The following FHIP1A variants were observed in gnomAD, a reference collection of about 807,000 sequenced individuals.
FHIP1A encodes FHF complex subunit HOOK interacting protein 1A.
Under a neutral mutation model 88.6 loss-of-function variants are expected in FHIP1A, and 61 were observed. The observed-to-expected ratio is 0.69, with a 90% CI of 0.56 to 0.85. FHIP1A has a LOEUF of 0.85. FHIP1A is among the 40% of genes least tolerant of loss of function. The probability of loss-of-function intolerance (pLI) is 0.00; values close to 1 mark genes in which losing one functional copy is unlikely to be tolerated. For synonymous variants in FHIP1A, 478 were observed against 496.0 expected (o/e 0.96, Z 0.48); for missense variants, 1,154 against 1,273.5 (o/e 0.91, Z 1.43).
At chr4:151,642,399 G>A (rs1736620181) in intron 9 of FHIP1A, among the ~76,000 whole-genome samples, 2 of 152,102 alleles carry the variant, frequency 1.3e-5, no homozygotes, top group Non-Finnish European at 2.9e-5. Flanking sequence ...GAAGCTGTGT[G>A]TATACTTCAG....
At chr4:151,632,154 T>C (rs576539661) in intron 8 of FHIP1A, among the ~76,000 whole-genome samples, 1 of 152,120 alleles carries the variant, frequency 6.6e-6, no homozygotes, top group South Asian at 2.1e-4. Flanking sequence ...GTTGTACTTA[T>C]ATTTAAAAAT....
At chr4:151,584,171 T>TCTCCCCAACCCCTCCTAGGCCC (rs1211338379) in intron 5 of FHIP1A, among the ~76,000 whole-genome samples, 1 of 152,156 alleles carries the variant, frequency 6.6e-6, no homozygotes, top group Non-Finnish European at 1.5e-5. Flanking sequence ...TCCTATACCA[T>TCTCCCCAACCCCTCCTAGGCCC]CTCCCCAACC....
At position 151,481,871 on chromosome 4, in the gene FHIP1A, C is replaced by T. The variant is rs181572079; in HGVS notation, c.-247-653C>T. 2.0e-3 allele frequency among the ~76,000 whole-genome samples: 307 copies of T among 152,138 alleles called. 1 individual carries two copies. The highest frequency in any genetic ancestry group is 0.014 in the Middle Eastern group (4 of 294). ...CTACGTTTTGTTCTCTGTGTTTCTC[C>T]CAGGTAGGATAATTTCCTTGCCAGC... is the stretch of plus-strand genomic sequence containing the variant. On this transcript the variant is annotated intron_variant, in intron 2 of 13. Transcript: ENST00000435205.
At chr4:151,558,317 C>G (rs1733033824) in intron 3 of FHIP1A, among the ~76,000 whole-genome samples, 2 of 152,098 alleles carry the variant, frequency 1.3e-5, no homozygotes, top group South Asian at 4.1e-4. Context: ...GGGCAGATCA[C>G]TAGAGCTTAG....
chr4:151,443,379 G>A (rs1728477458), intron 1 of FHIP1A, among the ~76,000 whole-genome samples: 1 of 152,064 alleles, frequency 6.6e-6, no homozygotes, highest in Non-Finnish European at 1.5e-5. Flanking sequence ...TCGCAATGGT[G>A]TGATCATAGA....
chr4:151,471,078 A>G (rs1254266529), intron 2 of FHIP1A, among the ~76,000 whole-genome samples: 2 of 152,102 alleles, frequency 1.3e-5, no homozygotes, highest in African/African-American at 2.4e-5. Context: ...CTGGGGATCA[A>G]TGAATGCATA....
At chr4:151,588,192 G>A (rs1053974451) in intron 6 of FHIP1A, among the ~76,000 whole-genome samples, 1 of 151,988 alleles carries the variant, frequency 6.6e-6, no homozygotes, top group African/African-American at 2.4e-5. Flanking sequence ...AAAGATATTA[G>A]TAGAGGGTTA....
chr4:151,429,842 C>G (rs1733527523), intron 1 of FHIP1A, among the ~76,000 whole-genome samples: 2 of 100,832 alleles, frequency 2.0e-5, no homozygotes, highest in South Asian at 3.6e-4. Context: ...GAGTGAGACT[C>G]TATCTCAAAA....
chr4:151,537,884 T>A (rs1732130033), intron 3 of FHIP1A, among the ~76,000 whole-genome samples: 1 of 152,206 alleles, frequency 6.6e-6, no homozygotes, highest in Non-Finnish European at 1.5e-5. Flanking sequence ...AATGTTGCAA[T>A]CCTGCTTCAG....
At chr4:151,432,430 G>A (rs1418890341) in intron 1 of FHIP1A, among the ~76,000 whole-genome samples, 2 of 152,166 alleles carry the variant, frequency 1.3e-5, no homozygotes, top group African/African-American at 2.4e-5. Context: ...TGAGAATATA[G>A]TTGTGAACAA....
intron 7 of FHIP1A, among the ~76,000 whole-genome samples, chr4:151,609,671 G>A (rs1434248774): frequency 6.6e-6 from 1 of 152,142 alleles, no homozygotes; most frequent in Non-Finnish European, 1.5e-5. Context: ...TTGTAGACAA[G>A]GAGGCTCCCT....
At chr4:151,629,942 A>G (rs1736094224) in intron 8 of FHIP1A, 73 bp downstream of exon 8, 1 of 1,215,490 alleles carries the variant, frequency 8.2e-7, no homozygotes, top group African/African-American at 1.6e-5. Context: ...TTGGGAATGA[A>G]ATTATGAATA....
intron 3 of FHIP1A, among the ~76,000 whole-genome samples, chr4:151,544,932 G>A (rs1732432959): frequency 1.3e-5 from 2 of 152,110 alleles, no homozygotes; most frequent in African/African-American, 2.4e-5. Context: ...ACAAAAATTA[G>A]CCAGGTGTGG....
At chr4:151,448,697 C>G (rs1411534658) in intron 1 of FHIP1A, among the ~76,000 whole-genome samples, 1 of 152,266 alleles carries the variant, frequency 6.6e-6, no homozygotes, top group African/African-American at 2.4e-5. Flanking sequence ...TTTTGTTTAT[C>G]ATCTATCGAT....
Position 151,664,810 on chromosome 4 carries a change from T to G in FHIP1A, c.*2056T>G, listed in dbSNP as rs533153396. Among the ~76,000 whole-genome samples the G allele has an allele frequency of 2.6e-5, 4 of 152,312 alleles. No individual in the cohort carries two copies. The highest frequency in any genetic ancestry group is 4.4e-5 in the Non-Finnish European group (3 of 68,022). ...TAAATGGAATTCTTTAGCTTTGTAG[T>G]TTGATTTACACCTTTCTCCATTATC... is the stretch of plus-strand genomic sequence containing the variant. On this transcript the variant is annotated 3_prime_UTR_variant, in exon 14 of 14. Transcript: ENST00000435205.
chr4:151,501,263 A>G (rs1730639905), intron 3 of FHIP1A, among the ~76,000 whole-genome samples: 1 of 152,212 alleles, frequency 6.6e-6, no homozygotes, highest in South Asian at 2.1e-4. Context: ...ACCTGTCTTC[A>G]GTTCTTTCAG....
At chr4:151,603,182 A>G (rs1279619898) in intron 7 of FHIP1A, among the ~76,000 whole-genome samples, 1 of 152,022 alleles carries the variant, frequency 6.6e-6, no homozygotes, top group African/African-American at 2.4e-5. Flanking sequence ...GTGTGGTGGC[A>G]TGTGCCTGTA....
At chr4:151,653,696 A>G (rs926184479) in intron 11 of FHIP1A, among the ~76,000 whole-genome samples, 9 of 152,186 alleles carry the variant, frequency 5.9e-5, no homozygotes, top group African/African-American at 2.2e-4. Flanking sequence ...GACTGACCTT[A>G]GGCAGTGGAG....
At chr4:151,488,016 C>G (rs1730147190) in intron 3 of FHIP1A, among the ~76,000 whole-genome samples, 1 of 152,224 alleles carries the variant, frequency 6.6e-6, no homozygotes, top group African/African-American at 2.4e-5. Context: ...TTCTGCTTCT[C>G]TACATTCATT....
Sources: gnomAD v4.1 joint callset for allele counts (sites outside exome capture counted in the v4.1 genomes callset) on GRCh38, gnomAD v4.1.1 for gene constraint, MANE v1.5 for transcripts, NCBI Gene and HGNC (gene_info 2026-07-23, HGNC 2026-07-21) for gene names.